Variants in CAMTA1 observed in about 807,000 individuals in gnomAD.
The protein encoded by CAMTA1 is calmodulin-binding transcription activator 1.
Under a neutral mutation model 170.9 loss-of-function variants are expected in CAMTA1, and 27 were observed. The observed-to-expected ratio is 0.16, with a 90% CI of 0.12 to 0.22. CAMTA1 has a LOEUF of 0.22. Among genes scored for constraint, CAMTA1 ranks in the 10% least tolerant of loss-of-function variants. The pLI is 1.00. For missense variants in CAMTA1, 1,619 were observed against 2,217.2 expected (o/e 0.73, Z 5.42); for synonymous variants, 833 against 891.5 (o/e 0.93, Z 1.17).
intron 4 of CAMTA1, among the ~76,000 whole-genome samples, chr1:7,209,534 C>G (rs1395415842): frequency 6.6e-6 from 1 of 152,308 alleles, no homozygotes; most frequent in East Asian, 1.9e-4. Flanking sequence ...TTTCTTGGCA[C>G]TCTCTTTGAG....
intron 7 of CAMTA1, among the ~76,000 whole-genome samples, chr1:7,643,964 G>A (rs1367060209): frequency 1.3e-5 from 2 of 152,188 alleles, no homozygotes; most frequent in Non-Finnish European, 1.5e-5. Context: ...GAATCAGGCG[G>A]GTCACCCAAC....
Position 7,738,695 on chromosome 1 carries a change from C to T in CAMTA1, c.4182+213C>T, listed in dbSNP as rs1257301624. Among the ~76,000 whole-genome samples the T allele has an allele frequency of 6.6e-6, 1 of 152,194 alleles. No homozygotes were observed. The highest frequency in any genetic ancestry group is 1.5e-5 in the Non-Finnish European group (1 of 68,038). ...GGGAGTAGGGCCTGAATACCAGTGA[C>T]CCCGGTCTCAGCAAAGCCTTCCCTC... On this transcript the variant is annotated intron_variant, in intron 16 of 22. Transcript: ENST00000303635. This position sits in a 1 kb window ranked among gnomAD's most constrained non-coding sequence, Gnocchi z 4.9.
chr1:7,643,347 G>A lies in CAMTA1; in HGVS notation c.664+2794G>A, dbSNP rs373482973. On this transcript the variant is annotated intron_variant, in intron 7 of 22. Transcript: ENST00000303635. Reference sequence around the variant, plus strand: ...CCCTGGGCCCCAGCAAAAGTTCCAAGAGATTGTGTGAGCCAGAGATTAGCC... The same window carrying A: ...CCCTGGGCCCCAGCAAAAGTTCCAAAAGATTGTGTGAGCCAGAGATTAGCC... 5.3e-5 allele frequency among the ~76,000 whole-genome samples: 8 copies of A among 152,364 alleles called. No homozygotes were observed. In the East Asian group the frequency reaches 1.5e-3, roughly 29 times the overall value.
chr1:7,659,781 C>G (rs911787929), intron 7 of CAMTA1, among the ~76,000 whole-genome samples: 5 of 152,256 alleles, frequency 3.3e-5, no homozygotes, highest in Non-Finnish European at 7.3e-5. Context: ...TCATCACCAT[C>G]ATCACTAGTG....
At chr1:7,134,571 G>C (rs1005463674) in intron 4 of CAMTA1, among the ~76,000 whole-genome samples, 3 of 152,174 alleles carry the variant, frequency 2.0e-5, no homozygotes, top group Non-Finnish European at 4.4e-5. Flanking sequence ...GCCTTCCAAA[G>C]TGTTGGGATT....
At chr1:6,798,584 ATTTTTTT>A (rs548325478) in intron 1 of CAMTA1, among the ~76,000 whole-genome samples, 4 of 117,620 alleles carry the variant, frequency 3.4e-5, no homozygotes, top group Admixed American at 8.3e-5. Flanking sequence ...CACCTGGCTA[ATTTTTTT>A]TTTTTTTTTT....
chr1:7,195,096 A>G lies in CAMTA1; in HGVS notation c.303-54395A>G, dbSNP rs2148970938. On this transcript the variant is annotated intron_variant, in intron 4 of 22. Transcript: ENST00000303635. This position sits in a 1 kb window ranked among gnomAD's most constrained non-coding sequence, Gnocchi z 4.1. ...ATGGTGAAAACAGCCAAACACACAA[A>G]TAAGCAAACACGCACATAAACCACC... 6.6e-6 allele frequency among the ~76,000 whole-genome samples: 1 copy of G among 152,312 alleles called. No individual in the cohort carries two copies. Among genetic ancestry groups the G allele is most frequent in the African/African-American group, 2.4e-5 (1 of 41,566 alleles).
chr1:7,426,450 A>G lies in CAMTA1; in HGVS notation c.439-41380A>G, dbSNP rs1437377642. 6.6e-6 allele frequency among the ~76,000 whole-genome samples: 1 copy of G among 152,234 alleles called. No individual in the cohort carries two copies. Among genetic ancestry groups the G allele is most frequent in the Non-Finnish European group, 1.5e-5 (1 of 68,048 alleles). ...GTTTCCAACTTGCAGCCCATTATCT[A>G]TTAATACTAAATAACTGCATCGATT... On this transcript the variant is annotated intron_variant, in intron 5 of 22. Coordinates refer to ENST00000303635, the MANE Select transcript of CAMTA1 (RefSeq NM_015215.4). The surrounding 1 kb of genome is among the most constrained non-coding windows in gnomAD (Gnocchi z 4.8).
chr1:6,900,297 T>A (rs1676648067), intron 3 of CAMTA1, among the ~76,000 whole-genome samples: 1 of 152,196 alleles, frequency 6.6e-6, no homozygotes, highest in Non-Finnish European at 1.5e-5. Flanking sequence ...CACCAGAGTT[T>A]CTTGATGGTG....
At chr1:7,068,532 G>T (rs1198535551) in intron 3 of CAMTA1, among the ~76,000 whole-genome samples, 2 of 152,040 alleles carry the variant, frequency 1.3e-5, no homozygotes, top group South Asian at 2.1e-4. Flanking sequence ...ACCACGATGG[G>T]GATGAACGTG....
chr1:7,059,489 G>C (rs1332581896), intron 3 of CAMTA1, among the ~76,000 whole-genome samples: 1 of 152,082 alleles, frequency 6.6e-6, no homozygotes, highest in Non-Finnish European at 1.5e-5. Context: ...GCACAACGAT[G>C]CACACCTGTA....
intron 11 of CAMTA1, among the ~76,000 whole-genome samples, chr1:7,706,634 T>A (rs1025229557): frequency 6.6e-6 from 1 of 152,356 alleles, no homozygotes; most frequent in African/African-American, 2.4e-5. Flanking sequence ...GTAATAATGT[T>A]TAATGTCCAA....
intron 3 of CAMTA1, among the ~76,000 whole-genome samples, chr1:6,871,061 G>A (rs548732744): frequency 2.0e-4 from 31 of 152,276 alleles, no homozygotes; most frequent in Admixed American, 3.3e-4. Flanking sequence ...AATGGGAAAA[G>A]TGAGTAAATA....
intron 4 of CAMTA1, among the ~76,000 whole-genome samples, chr1:7,107,523 G>A (rs1643728607): frequency 6.6e-6 from 1 of 152,120 alleles, no homozygotes; most frequent in African/African-American, 2.4e-5. Context: ...AGATTAATTG[G>A]TGGCGTTGAC....
At position 7,585,611 on chromosome 1, in the gene CAMTA1, G is replaced by A. The variant is rs187758182; in HGVS notation, c.511-54789G>A. 5.3e-5 allele frequency among the ~76,000 whole-genome samples: 8 copies of A among 152,274 alleles called. No individual in the cohort carries two copies. Among genetic ancestry groups the A allele is most frequent in the African/African-American group, 1.9e-4 (8 of 41,546 alleles). ...TGAAAGAACGTGAACATGGGATCACGCTGGCTACTGGTGCAGAGGGCAAGG... is the reference window on the plus strand; with the variant it reads ...TGAAAGAACGTGAACATGGGATCACACTGGCTACTGGTGCAGAGGGCAAGG... On this transcript the variant is annotated intron_variant, in intron 6 of 22. Coordinates refer to ENST00000303635, the MANE Select transcript of CAMTA1 (RefSeq NM_015215.4). This position sits in a 1 kb window ranked among gnomAD's most constrained non-coding sequence, Gnocchi z 4.8.
intron 3 of CAMTA1, among the ~76,000 whole-genome samples, chr1:6,908,372 T>C (rs1679006846): frequency 6.6e-6 from 1 of 152,208 alleles, no homozygotes; most frequent in South Asian, 2.1e-4. Context: ...CTCTCAAGTT[T>C]ATCTCCTGGC....
rs1265317132 is a variant in CAMTA1 at position 7,769,403 on chromosome 1, A to C, written c.*2912A>C. 1.3e-5 allele frequency: 2 copies of C among 152,798 alleles called. No homozygotes were observed. Among genetic ancestry groups the C allele is most frequent in the Non-Finnish European group, 2.9e-5 (2 of 68,042 alleles). The allele number at this position is 152,798 out of a possible 1,614,324, so 9.5% of individuals were successfully genotyped here. A position where few individuals can be genotyped will look rare whatever the true frequency, so the allele number is the denominator to read the frequency against. Reference sequence around the variant, plus strand: ...CAGCTGTACTGTGTGAACGAAATAAAGACAATAATACGAACCCCTCTCTGG... The same window carrying C: ...CAGCTGTACTGTGTGAACGAAATAACGACAATAATACGAACCCCTCTCTGG... On this transcript the variant is annotated 3_prime_UTR_variant, in exon 23 of 23. Coordinates refer to ENST00000303635, the MANE Select transcript of CAMTA1 (RefSeq NM_015215.4).
At chr1:6,845,571 A>G (rs1187049936) in intron 3 of CAMTA1, among the ~76,000 whole-genome samples, 1 of 152,228 alleles carries the variant, frequency 6.6e-6, no homozygotes, top group Non-Finnish European at 1.5e-5. Flanking sequence ...TAAAGCTGTT[A>G]TTTACTTAAA....
At chr1:7,709,701 C>T (rs1242232466) in intron 11 of CAMTA1, among the ~76,000 whole-genome samples, 1 of 152,212 alleles carries the variant, frequency 6.6e-6, no homozygotes, top group Non-Finnish European at 1.5e-5. Context: ...TCATATAATA[C>T]AGCAGGATGG....
Sources: allele counts gnomAD v4.1 joint callset (sites outside exome capture counted in the v4.1 genomes callset), GRCh38; gene constraint gnomAD v4.1.1; non-coding constraint Gnocchi (gnomAD v3.1); transcripts MANE v1.5; gene names NCBI Gene and HGNC (gene_info 2026-07-23, HGNC 2026-07-21).